The following TBL1XR1 variants were observed in gnomAD, a reference collection of about 807,000 sequenced individuals.
The protein encoded by TBL1XR1 is TBL1X/Y related 1.
A neutral mutation model predicts 66.9 loss-of-function variants in TBL1XR1; 5 were observed. The ratio of observed to expected loss-of-function variants is 0.07; its 90% CI spans 0.04 to 0.16. TBL1XR1 has a LOEUF of 0.16. Ranked by LOEUF, TBL1XR1 falls within the 10% of genes least tolerant of loss-of-function variation. The probability of loss-of-function intolerance (pLI) is 1.00; values close to 1 mark genes in which losing one functional copy is unlikely to be tolerated. For synonymous variants in TBL1XR1, 210 were observed against 206.0 expected (o/e 1.02, Z -0.17); for missense variants, 238 against 623.2 (o/e 0.38, Z 6.58).
chr3:177,097,010 T>TC (rs990800591), intron 2 of TBL1XR1, among the ~76,000 whole-genome samples: 6 of 152,054 alleles, frequency 3.9e-5, no homozygotes, highest in Non-Finnish European at 7.4e-5. Flanking sequence ...CAACCTTTTT[T>TC]CCCCAATAGG....
chr3:177,052,197 T>C (rs748999937), intron 4 of TBL1XR1, among the ~76,000 whole-genome samples: 3 of 152,224 alleles, frequency 2.0e-5, no homozygotes, highest in Non-Finnish European at 4.4e-5. Context: ...AGAAACAGAC[T>C]TCATGGGGCT....
rs913861687 is a variant in TBL1XR1 at position 177,020,447 on chromosome 3, A to G, written c.*5051T>C. ...AAGTAATAAAAATAGTAAAATTTGT[A>G]ATTTTATTATGGGCTTAAAGTATAT... On this transcript the variant is annotated 3_prime_UTR_variant, in exon 16 of 16. Transcript: ENST00000457928. The G allele has an allele frequency of 6.6e-6, 1 of 152,192 alleles. No homozygotes were observed. Among genetic ancestry groups the G allele is most frequent in the Admixed American group, 6.5e-5 (1 of 15,270 alleles). The allele number at this position is 152,192 out of a possible 1,614,324, so 9.4% of individuals were successfully genotyped here.
chr3:177,049,442 T>A (rs1450645852), intron 7 of TBL1XR1, among the ~76,000 whole-genome samples: 1 of 152,174 alleles, frequency 6.6e-6, no homozygotes, highest in Non-Finnish European at 1.5e-5. Context: ...CTGAAAGATG[T>A]TGAATCATAC....
chr3:177,193,334 G>A (rs1736407564), intron 1 of TBL1XR1, among the ~76,000 whole-genome samples: 1 of 151,612 alleles, frequency 6.6e-6, no homozygotes, highest in South Asian at 2.1e-4. Flanking sequence ...TTTTTGAGAG[G>A]GTGTCTCCCT....
intron 1 of TBL1XR1, among the ~76,000 whole-genome samples, chr3:177,191,376 G>A (rs1418672986): frequency 6.6e-6 from 1 of 152,190 alleles, no homozygotes; most frequent in East Asian, 1.9e-4. Flanking sequence ...CATTCATTGA[G>A]AAGACAGACT....
At chr3:177,054,440 T>C (rs1717549901) in intron 3 of TBL1XR1, among the ~76,000 whole-genome samples, 1 of 152,198 alleles carries the variant, frequency 6.6e-6, no homozygotes, top group South Asian at 2.1e-4. Flanking sequence ...TAATATGCTT[T>C]AAATAGGAAT....
intron 1 of TBL1XR1, among the ~76,000 whole-genome samples, chr3:177,182,294 G>A (rs951173910): frequency 5.3e-5 from 8 of 152,108 alleles, no homozygotes; most frequent in African/African-American, 1.9e-4. Flanking sequence ...TGAGGTGATA[G>A]GACCACCTGA....
rs73039656 is a variant in TBL1XR1, at chr3:177,118,552, T to G, written c.-121-20011A>C. Reference sequence around the variant, plus strand: ...AAGAAAGGAAATAAAAAGACAGACATTAGGAAGACTTTAAAGAGAATCCAT... The same window carrying G: ...AAGAAAGGAAATAAAAAGACAGACAGTAGGAAGACTTTAAAGAGAATCCAT... On this transcript the variant is annotated intron_variant, in intron 1 of 15. Coordinates refer to ENST00000457928, the MANE Select transcript of TBL1XR1 (RefSeq NM_024665.7). Among the ~76,000 whole-genome samples the G allele has an allele frequency of 4.6e-4, 70 of 152,278 alleles. No homozygotes were observed. In the East Asian group the frequency reaches 0.012, roughly 26 times the overall value.
intron 2 of TBL1XR1, chr3:177,079,431 T>TA (rs558379219): frequency 0.31 from 42,952 of 138,476 alleles, 6,758 homozygotes; most frequent in East Asian, 0.57. Flanking sequence ...AGACTCCATT[T>TA]AAAAAAAAAA....
At chr3:177,159,468 T>C (rs1731910580) in intron 1 of TBL1XR1, among the ~76,000 whole-genome samples, 1 of 152,198 alleles carries the variant, frequency 6.6e-6, no homozygotes, top group South Asian at 2.1e-4. Flanking sequence ...ATATAATTTA[T>C]ACACATATAA....
chr3:177,173,845 G>A (rs35206310), intron 1 of TBL1XR1, among the ~76,000 whole-genome samples: 68,247 of 151,926 alleles, frequency 0.45, 17,240 homozygotes, highest in Non-Finnish European at 0.56. Flanking sequence ...GCAACTTTCT[G>A]TAAATCTAAA....
intron 10 of TBL1XR1, among the ~76,000 whole-genome samples, chr3:177,040,826 G>T (rs1049096851): frequency 1.1e-4 from 16 of 152,018 alleles, no homozygotes; most frequent in African/African-American, 3.6e-4. Flanking sequence ...GAAAAACTAG[G>T]TATCAGGACA....
At chr3:177,127,750 T>C (rs1306298346) in intron 1 of TBL1XR1, among the ~76,000 whole-genome samples, 2 of 152,210 alleles carry the variant, frequency 1.3e-5, no homozygotes, top group African/African-American at 4.8e-5. Flanking sequence ...GGGAGGTTTT[T>C]TGTTTAAACA....
chr3:177,063,260 A>G (rs764252695), intron 3 of TBL1XR1, among the ~76,000 whole-genome samples: 1 of 152,222 alleles, frequency 6.6e-6, no homozygotes, highest in East Asian at 1.9e-4. Context: ...ACTTTTGTTT[A>G]GAAAAAGAAA....
intron 1 of TBL1XR1, among the ~76,000 whole-genome samples, chr3:177,121,685 G>A (rs1726993453): frequency 6.6e-6 from 1 of 152,074 alleles, no homozygotes; most frequent in Non-Finnish European, 1.5e-5. Flanking sequence ...TTCATCATTG[G>A]CTCTGAGCTC....
chr3:177,060,548 T>C (rs1257580081), intron 3 of TBL1XR1, among the ~76,000 whole-genome samples: 3 of 152,202 alleles, frequency 2.0e-5, no homozygotes, highest in South Asian at 2.1e-4. Flanking sequence ...AAAGCAAATA[T>C]ACAACTGAAG....
chr3:177,064,909 A>G lies in TBL1XR1; in HGVS notation c.58+11T>C, dbSNP rs1298059155. 1.3e-6 allele frequency: 2 copies of G among 1,503,426 alleles called. No individual in the cohort carries two copies. The highest frequency in any genetic ancestry group is 2.5e-5 in the South Asian group (2 of 79,356). 93.1% of individuals were successfully genotyped at this position (1,503,426 alleles called of 1,614,324 possible). Reference sequence around the variant, plus strand: ...TAATTTGAGGCCTATTTACTTTATAAAAGTACTCACCTGACTCTTGCAAGT... The same window carrying G: ...TAATTTGAGGCCTATTTACTTTATAGAAGTACTCACCTGACTCTTGCAAGT... On this transcript the variant is annotated intron_variant, in intron 3 of 15. Transcript: ENST00000457928.
At chr3:177,194,045 C>G (rs988897921) in intron 1 of TBL1XR1, 23 of 152,204 alleles carry the variant, frequency 1.5e-4, no homozygotes, top group African/African-American at 5.1e-4. Flanking sequence ...GGTTACAGGG[C>G]AATTAATTGC....
chr3:177,031,983 T>C (rs1386469667), intron 14 of TBL1XR1, among the ~76,000 whole-genome samples: 1 of 151,972 alleles, frequency 6.6e-6, no homozygotes, highest in Non-Finnish European at 1.5e-5. Flanking sequence ...AATTAACAAG[T>C]GTGCTTAAAT....
Sources: allele counts gnomAD v4.1 joint callset (sites outside exome capture counted in the v4.1 genomes callset), GRCh38; gene constraint gnomAD v4.1.1; transcripts MANE v1.5; gene names NCBI Gene and HGNC (gene_info 2026-07-23, HGNC 2026-07-21).